Variants in ADGRL2 observed in about 807,000 individuals in gnomAD.
The protein encoded by ADGRL2 is adhesion G protein-coupled receptor L2.
Under a neutral mutation model 157.4 loss-of-function variants are expected in ADGRL2, and 44 were observed. The ratio of observed to expected loss-of-function variants is 0.28; its 90% CI spans 0.22 to 0.36. The LOEUF (loss-of-function observed/expected upper bound fraction) is 0.36, where lower values mean the gene tolerates loss of function less well. Ranked by LOEUF, ADGRL2 falls within the 10% of genes least tolerant of loss-of-function variation. The pLI, the probability that ADGRL2 is intolerant of heterozygous loss-of-function variation, is 1.00. For missense variants in ADGRL2, 1,510 were observed against 1,768.9 expected, an observed-to-expected ratio of 0.85 and a Z score of 2.63; for synonymous variants, 585 against 624.7, an observed-to-expected ratio of 0.94 and a Z score of 0.95.
chr1:81,905,099 CTT>C (rs199618498), intron 2 of ADGRL2, among the ~76,000 whole-genome samples: 11 of 142,824 alleles, frequency 7.7e-5, no homozygotes, highest in Admixed American at 1.4e-4. Context: ...CCTTACTATA[CTT>C]TTTTTTTTTT....
intron 3 of ADGRL2, among the ~76,000 whole-genome samples, chr1:81,915,148 T>C (rs2094825557): frequency 6.6e-6 from 1 of 152,138 alleles, no homozygotes; most frequent in Non-Finnish European, 1.5e-5. Flanking sequence ...CAGTCTCTGC[T>C]CACTGCAGCC....
At chr1:81,912,264 G>A (rs2094746327) in intron 3 of ADGRL2, among the ~76,000 whole-genome samples, 1 of 151,750 alleles carries the variant, frequency 6.6e-6, no homozygotes, top group South Asian at 2.1e-4. Context: ...TAGAGATGGT[G>A]TTTCACCATA....
chr1:81,723,091 G>T (rs1283588750), intron 1 of ADGRL2: 5 of 701,476 alleles, frequency 7.1e-6, no homozygotes. Flanking sequence ...GATAAATAAA[G>T]CCCTTGCTGA....
chr1:81,669,222 A>T (rs1389407356), intron 3 of ADGRL2, among the ~76,000 whole-genome samples: 4 of 152,106 alleles, frequency 2.6e-5, no homozygotes, highest in Non-Finnish European at 5.9e-5. Context: ...AGTATCTAGT[A>T]AGTTCCTGTA....
intron 3 of ADGRL2, among the ~76,000 whole-genome samples, chr1:81,929,930 T>C (rs77341460): frequency 2.6e-5 from 4 of 152,298 alleles, no homozygotes; most frequent in Non-Finnish European, 5.9e-5. Context: ...CTAAAGAAGA[T>C]ACTACGTTTT....
At chr1:81,681,294 G>C (rs1015339333) in intron 3 of ADGRL2, among the ~76,000 whole-genome samples, 1 of 152,210 alleles carries the variant, frequency 6.6e-6, no homozygotes, top group African/African-American at 2.4e-5. Context: ...TTGCCAGTAA[G>C]CAGCATGTGG....
At chr1:81,361,469 A>G (rs982688706) in intron 1 of ADGRL2, among the ~76,000 whole-genome samples, 6 of 151,902 alleles carry the variant, frequency 3.9e-5, no homozygotes, top group Admixed American at 3.9e-4. Flanking sequence ...CAATTATTCT[A>G]AGCAGGGTGG....
intron 3 of ADGRL2, among the ~76,000 whole-genome samples, chr1:81,662,716 G>A (rs1316677093): frequency 4.0e-5 from 6 of 150,782 alleles, no homozygotes; most frequent in Non-Finnish European, 7.4e-5. Flanking sequence ...CACAGTGCCC[G>A]GCTAATTTTT....
intron 3 of ADGRL2, among the ~76,000 whole-genome samples, chr1:81,691,643 C>A (rs940555755): frequency 6.6e-6 from 1 of 151,654 alleles, no homozygotes; most frequent in East Asian, 1.9e-4. Context: ...GGATTACAGG[C>A]GTGTGCCACT....
At chr1:81,394,506 T>A (rs901231718) in intron 1 of ADGRL2, among the ~76,000 whole-genome samples, 4 of 152,232 alleles carry the variant, frequency 2.6e-5, no homozygotes. Flanking sequence ...TGTGATGTCC[T>A]CCAAGCTTAT....
chr1:81,762,715 T>A (rs1340672433), intron 2 of ADGRL2, among the ~76,000 whole-genome samples: 1 of 151,866 alleles, frequency 6.6e-6, no homozygotes, highest in African/African-American at 2.4e-5. Flanking sequence ...TGCGCTTATA[T>A]AGACAGAGGA....
intron 3 of ADGRL2, among the ~76,000 whole-genome samples, chr1:81,608,453 A>T (rs1347648915): frequency 6.6e-6 from 1 of 152,214 alleles, no homozygotes; most frequent in Non-Finnish European, 1.5e-5. Context: ...TCTCATTAAT[A>T]AACATCACAG....
At chr1:81,793,631 A>C (rs1453421611) in intron 2 of ADGRL2, among the ~76,000 whole-genome samples, 1 of 152,088 alleles carries the variant, frequency 6.6e-6, no homozygotes, top group Non-Finnish European at 1.5e-5. Flanking sequence ...TTAAGGAAAG[A>C]CAGTTTTCTA....
chr1:81,629,190 A>G (rs1258610465), intron 3 of ADGRL2, among the ~76,000 whole-genome samples: 1 of 152,200 alleles, frequency 6.6e-6, no homozygotes, highest in Non-Finnish European at 1.5e-5. Context: ...TGAAAAGGGT[A>G]TTTTGAAAAG....
At chr1:81,655,425 C>G (rs1304573416) in intron 3 of ADGRL2, among the ~76,000 whole-genome samples, 2 of 152,120 alleles carry the variant, frequency 1.3e-5, no homozygotes, top group African/African-American at 2.4e-5. Flanking sequence ...GGAATTCAAA[C>G]CCACATATGT....
chr1:81,770,180 T>TTTG (rs2086299823), intron 2 of ADGRL2, among the ~76,000 whole-genome samples: 1 of 104,196 alleles, frequency 9.6e-6, no homozygotes, highest in Non-Finnish European at 1.8e-5. Context: ...TTTTTTTTTT[T>TTTG]GAGACCGAGT....
At chr1:81,706,346 T>C (rs1006181522) in intron 1 of ADGRL2, among the ~76,000 whole-genome samples, 82 of 152,306 alleles carry the variant, frequency 5.4e-4, no homozygotes, top group Non-Finnish European at 4.9e-4. Context: ...GCTGTCATAC[T>C]TGACTTTAAG....
chr1:81,840,276 T>A (rs546140702), intron 2 of ADGRL2, among the ~76,000 whole-genome samples: 2 of 152,080 alleles, frequency 1.3e-5, no homozygotes, highest in East Asian at 3.9e-4. Context: ...GGCAACTAAT[T>A]AAGATTTTGT....
At chr1:81,579,367 G>A (rs566947607) in intron 2 of ADGRL2, 4 of 152,216 alleles carry the variant, frequency 2.6e-5, no homozygotes, top group South Asian at 2.1e-4. Flanking sequence ...CCTGGCACTT[G>A]CTACTTATTA....
Sources: allele counts gnomAD v4.1 joint callset (sites outside exome capture counted in the v4.1 genomes callset), GRCh38; gene constraint gnomAD v4.1.1; transcripts MANE v1.5; gene names NCBI Gene and HGNC (gene_info 2026-07-23, HGNC 2026-07-21).